Variants in RBFOX1 observed in about 807,000 individuals in gnomAD.
The protein encoded by RBFOX1 is RNA binding fox-1 homolog 1, also known as RNA binding protein fox-1 homolog 1.
Under a neutral mutation model 57.7 loss-of-function variants are expected in RBFOX1, and 8 were observed. The ratio of observed to expected loss-of-function variants is 0.14; its 90% CI spans 0.08 to 0.25. The LOEUF is 0.25. Among genes scored for constraint, RBFOX1 ranks in the 10% least tolerant of loss-of-function variants. The pLI is 1.00. For missense variants in RBFOX1, 611 were observed against 548.5 expected (o/e 1.11, Z -1.14); for synonymous variants, 326 against 222.4 (o/e 1.47, Z -4.15).
chr16:5,551,482 G>T (rs1226887719), intron 2 of RBFOX1, among the ~76,000 whole-genome samples: 1 of 152,138 alleles, frequency 6.6e-6, no homozygotes, highest in Non-Finnish European at 1.5e-5. Flanking sequence ...GGGAGTTCCG[G>T]CTTCCTTAGG....
At chr16:7,266,807 T>C (rs1454624927) in intron 4 of RBFOX1, among the ~76,000 whole-genome samples, 1 of 152,026 alleles carries the variant, frequency 6.6e-6, no homozygotes, top group African/African-American at 2.4e-5. Flanking sequence ...ATTACAGAGA[T>C]GAACTGGGAC....
intron 2 of RBFOX1, among the ~76,000 whole-genome samples, chr16:6,563,195 C>G (rs775564804): frequency 6.6e-6 from 1 of 152,136 alleles, no homozygotes; most frequent in African/African-American, 2.4e-5. Context: ...TGAATTAGTT[C>G]TAGTCCATGG....
intron 1 of RBFOX1, among the ~76,000 whole-genome samples, chr16:5,432,309 A>G (rs1035881241): frequency 7.0e-6 from 1 of 142,238 alleles, no homozygotes. Flanking sequence ...GCCTCGCCGC[A>G]AGAAGCCTGT....
chr16:7,004,118 A>G (rs2093087651), intron 3 of RBFOX1: 1 of 152,018 alleles, frequency 6.6e-6, no homozygotes, highest in Non-Finnish European at 1.5e-5. Context: ...GACACTAGAA[A>G]TCAGTTTTGT....
At chr16:7,345,985 A>G (rs1334217900) in intron 4 of RBFOX1, among the ~76,000 whole-genome samples, 1 of 151,588 alleles carries the variant, frequency 6.6e-6, no homozygotes, top group East Asian at 1.9e-4. Context: ...AGCTCCTCCA[A>G]CCCCACAACA....
At chr16:6,270,888 G>T (rs2075132595) in intron 1 of RBFOX1, among the ~76,000 whole-genome samples, 1 of 152,272 alleles carries the variant, frequency 6.6e-6, no homozygotes, top group East Asian at 1.9e-4. Context: ...ATACCAGAAA[G>T]ATAACAGGAG....
chr16:7,094,767 T>TGTGG (rs1217772488), intron 4 of RBFOX1, among the ~76,000 whole-genome samples: 2 of 140,894 alleles, frequency 1.4e-5, no homozygotes, highest in African/African-American at 2.5e-5. Flanking sequence ...TGTGTGTGTG[T>TGTGG]GTGTGTGTGG....
chr16:5,604,227 A>C (rs1449865726), downstream of RBFOX1, among the ~76,000 whole-genome samples: 1 of 152,198 alleles, frequency 6.6e-6, no homozygotes, highest in African/African-American at 2.4e-5. Context: ...TGCTTAAGAG[A>C]CTAAGTGGCT....
intron 4 of RBFOX1, among the ~76,000 whole-genome samples, chr16:7,223,487 T>C (rs1406393808): frequency 1.3e-5 from 2 of 152,218 alleles, no homozygotes; most frequent in Non-Finnish European, 2.9e-5. Context: ...TAGAATATTA[T>C]AGGTTATGCT....
At chr16:7,298,544 G>T (rs926098715) in intron 4 of RBFOX1, among the ~76,000 whole-genome samples, 1 of 151,974 alleles carries the variant, frequency 6.6e-6, no homozygotes, top group African/African-American at 2.4e-5. Flanking sequence ...CACTCGCCTT[G>T]GCCTCCCAAA....
chr16:7,167,319 G>T (rs1269105521), intron 4 of RBFOX1, among the ~76,000 whole-genome samples: 1 of 151,890 alleles, frequency 6.6e-6, no homozygotes, highest in East Asian at 1.9e-4. Context: ...CACTCATTAA[G>T]GATCTCTAGG....
At chr16:5,662,074 C>T (rs578117593) in intron 3 of RBFOX1, among the ~76,000 whole-genome samples, 2 of 152,280 alleles carry the variant, frequency 1.3e-5, no homozygotes, top group Non-Finnish European at 2.9e-5. Context: ...GCATGAGCTA[C>T]CGCGCCCGGC....
intron 2 of RBFOX1, among the ~76,000 whole-genome samples, chr16:6,643,338 A>G (rs1282310838): frequency 1.2e-4 from 19 of 152,192 alleles, no homozygotes; most frequent in African/African-American, 7.2e-5. Flanking sequence ...GGAAGTGAAT[A>G]AAATCTATCA....
intron 3 of RBFOX1, among the ~76,000 whole-genome samples, chr16:5,802,454 C>G (rs796740425): frequency 6.6e-6 from 1 of 152,256 alleles, no homozygotes; most frequent in East Asian, 1.9e-4. Flanking sequence ...TCTACAGGCT[C>G]AGGGGCCCTG....
chr16:7,342,443 G>T (rs1035437317), intron 4 of RBFOX1, among the ~76,000 whole-genome samples: 1 of 152,208 alleles, frequency 6.6e-6, no homozygotes, highest in Admixed American at 6.5e-5. Context: ...GACTGCAGAA[G>T]GGAGCAATCC....
At chr16:6,464,220 G>C (rs1398817883) in intron 2 of RBFOX1, among the ~76,000 whole-genome samples, 1 of 152,128 alleles carries the variant, frequency 6.6e-6, no homozygotes, top group African/African-American at 2.4e-5. Context: ...AGATTAACAA[G>C]TTGCTAATAG....
At chr16:7,535,729 A>G (rs1006374511) in intron 5 of RBFOX1, among the ~76,000 whole-genome samples, 12 of 152,234 alleles carry the variant, frequency 7.9e-5, no homozygotes, top group Non-Finnish European at 1.8e-4. Flanking sequence ...TCACACATAC[A>G]TTAATCTACT....
At chr16:6,074,442 T>A (rs1232264311) in intron 1 of RBFOX1, among the ~76,000 whole-genome samples, 1 of 152,222 alleles carries the variant, frequency 6.6e-6, no homozygotes, top group African/African-American at 2.4e-5. Flanking sequence ...CCAATCATGA[T>A]AAAATCTCTT....
chr16:7,319,277 G>A lies in RBFOX1; in HGVS notation c.28-198870G>A, dbSNP rs79509995. Among the ~76,000 whole-genome samples, 714 of 152,258 alleles carry A rather than the reference G, an allele frequency of 4.7e-3. 6 individuals carry two copies. The highest frequency in any genetic ancestry group is 0.017 in the African/African-American group (692 of 41,550). On this transcript the variant is annotated intron_variant, in intron 4 of 15. Coordinates refer to ENST00000550418, the MANE Select transcript of RBFOX1 (RefSeq NM_018723.4). ...TGAGCTCTATTCAATATTGTTGGGG[G>A]AGATGTAAATGAATGTGGTAAATAT...
Sources: gnomAD v4.1 joint callset for allele counts (sites outside exome capture counted in the v4.1 genomes callset) on GRCh38, gnomAD v4.1.1 for gene constraint, MANE v1.5 for transcripts, NCBI Gene and HGNC (gene_info 2026-07-23, HGNC 2026-07-21) for gene names.